Variants in GLI3 observed in about 807,000 individuals in gnomAD.
GLI3 encodes GLI family zinc finger 3.
A neutral mutation model predicts 100.8 loss-of-function variants in GLI3; 20 were observed. That is an observed-to-expected ratio of 0.20 (90% CI 0.14 to 0.29). The LOEUF is 0.29. Ranked by LOEUF, GLI3 falls within the 10% of genes least tolerant of loss-of-function variation. GLI3 has a pLI of 1.00. For synonymous variants in GLI3, 938 were observed against 860.5 expected, an observed-to-expected ratio of 1.09 and a Z score of -1.58; for missense variants, 2,040 against 2,128.5, an observed-to-expected ratio of 0.96 and a Z score of 0.82.
chr7:42,219,754 T>C (rs960813309), intron 2 of GLI3, among the ~76,000 whole-genome samples: 1 of 152,092 alleles, frequency 6.6e-6, no homozygotes, highest in African/African-American at 2.4e-5. Context: ...ACTCAGCCAG[T>C]AACAAAACTT....
chr7:42,222,228 T>C (rs906590067), intron 2 of GLI3, among the ~76,000 whole-genome samples: 4 of 152,170 alleles, frequency 2.6e-5, no homozygotes, highest in South Asian at 2.1e-4. Flanking sequence ...TCTTGGAATA[T>C]AGAAAATATA....
chr7:42,187,332 A>G lies in GLI3; in HGVS notation c.124+35798T>C, dbSNP rs536075277. On this transcript the variant is annotated intron_variant, in intron 2 of 14. Transcript: ENST00000395925. ...TTTGAAAATGTTACAGTGAAGTTTGATATCTAGGATATTATTGTTTAATAT... is the reference window on the plus strand; with the variant it reads ...TTTGAAAATGTTACAGTGAAGTTTGGTATCTAGGATATTATTGTTTAATAT... Among the ~76,000 whole-genome samples, 34 of 152,270 alleles carry G rather than the reference A, an allele frequency of 2.2e-4. 1 individual carries two copies. The South Asian group carries it at 7.1e-3, about 32-fold the overall frequency.
chr7:42,238,615 CAA>C (rs1482872180), upstream of GLI3, among the ~76,000 whole-genome samples: 1 of 152,204 alleles, frequency 6.6e-6, no homozygotes, highest in East Asian at 1.9e-4. Flanking sequence ...CCTTGAGCTA[CAA>C]AGTGTCTCTG....
At chr7:42,069,904 A>G (rs1784752684) in intron 4 of GLI3, among the ~76,000 whole-genome samples, 1 of 152,230 alleles carries the variant, frequency 6.6e-6, no homozygotes, top group Non-Finnish European at 1.5e-5. Flanking sequence ...TGTTTTAAGT[A>G]GTTGTTCACA....
At chr7:42,058,809 A>G (rs984297790) in intron 4 of GLI3, among the ~76,000 whole-genome samples, 1 of 152,250 alleles carries the variant, frequency 6.6e-6, no homozygotes, top group Non-Finnish European at 1.5e-5. Context: ...AATTGATTTC[A>G]TTCCTTCCAG....
chr7:42,232,439 G>A (rs1234254122), intron 1 of GLI3, among the ~76,000 whole-genome samples: 1 of 152,168 alleles, frequency 6.6e-6, no homozygotes, highest in Non-Finnish European at 1.5e-5. Context: ...AGAAGTGCTG[G>A]GCAGCATGGC....
At chr7:42,053,809 A>G (rs1784399160) in intron 4 of GLI3, among the ~76,000 whole-genome samples, 1 of 152,214 alleles carries the variant, frequency 6.6e-6, no homozygotes, top group Non-Finnish European at 1.5e-5. Flanking sequence ...CAGACATTCC[A>G]TGCTATTTAT....
chr7:42,260,373 C>A (rs973979878), intron 1 of GLI3, among the ~76,000 whole-genome samples: 1 of 152,130 alleles, frequency 6.6e-6, no homozygotes, highest in Non-Finnish European at 1.5e-5. Context: ...ACGCATTCAA[C>A]TGTCAAAATA....
chr7:42,198,390 G>A (rs1424212259), intron 2 of GLI3, among the ~76,000 whole-genome samples: 1 of 152,136 alleles, frequency 6.6e-6, no homozygotes, highest in Non-Finnish European at 1.5e-5. Flanking sequence ...AAGGATCCAG[G>A]AGCACAAGCG....
chr7:42,188,789 A>C (rs1787769336), intron 2 of GLI3, among the ~76,000 whole-genome samples: 1 of 152,248 alleles, frequency 6.6e-6, no homozygotes, highest in African/African-American at 2.4e-5. Flanking sequence ...TGGAAAACGC[A>C]AAACTGTGGA....
At chr7:42,091,667 C>T in intron 3 of GLI3, among the ~76,000 whole-genome samples, 1 of 152,256 alleles carries the variant, frequency 6.6e-6, no homozygotes, top group East Asian at 1.9e-4. Context: ...CCGCTCTCTT[C>T]TCCCCTCGTG....
chr7:42,181,943 T>A (rs1053809944), intron 2 of GLI3, among the ~76,000 whole-genome samples: 3 of 152,212 alleles, frequency 2.0e-5, no homozygotes, highest in African/African-American at 7.2e-5. Flanking sequence ...ATTACAGGAC[T>A]TCAGAGTGGT....
intron 4 of GLI3, among the ~76,000 whole-genome samples, chr7:42,061,278 A>G (rs1784563833): frequency 6.6e-6 from 1 of 152,196 alleles, no homozygotes; most frequent in African/African-American, 2.4e-5. Flanking sequence ...AAGAATCAGA[A>G]TGAATCTTTT....
chr7:42,235,305 C>A (rs1424221204), intron 1 of GLI3, among the ~76,000 whole-genome samples: 1 of 152,110 alleles, frequency 6.6e-6, no homozygotes, highest in Non-Finnish European at 1.5e-5. Flanking sequence ...TAGGTCAATT[C>A]TTGTAGATTT....
chr7:41,970,671 A>G (rs190892160), intron 13 of GLI3, among the ~76,000 whole-genome samples: 13 of 152,294 alleles, frequency 8.5e-5, no homozygotes, highest in Admixed American at 6.5e-4. Flanking sequence ...TTTTTAAACA[A>G]TGGGTGTTTG....
At chr7:42,039,774 G>A (rs922848789) in intron 7 of GLI3, among the ~76,000 whole-genome samples, 1 of 152,170 alleles carries the variant, frequency 6.6e-6, no homozygotes, top group Admixed American at 6.5e-5. Context: ...CTGTCTCTAC[G>A]AAGTGGATTT....
chr7:42,128,517 T>C (rs1215871707), intron 3 of GLI3, among the ~76,000 whole-genome samples: 1 of 152,242 alleles, frequency 6.6e-6, no homozygotes, highest in Non-Finnish European at 1.5e-5. Context: ...ATATGATACA[T>C]GCCTAGTTTT....
chr7:42,182,777 A>G (rs767581130), intron 2 of GLI3, among the ~76,000 whole-genome samples: 56 of 148,904 alleles, frequency 3.8e-4, no homozygotes, highest in Admixed American at 2.0e-3. Flanking sequence ...AAGAGTCCCA[A>G]ACAAATTGCT....
chr7:42,000,096 C>T (rs1385226190), intron 10 of GLI3, among the ~76,000 whole-genome samples: 2 of 152,092 alleles, frequency 1.3e-5, no homozygotes, highest in Non-Finnish European at 2.9e-5. Flanking sequence ...ATCTGTTGAC[C>T]GTATTACACA....
Sources: gnomAD v4.1 joint callset for allele counts (sites outside exome capture counted in the v4.1 genomes callset) on GRCh38, gnomAD v4.1.1 for gene constraint, MANE v1.5 for transcripts, NCBI Gene and HGNC (gene_info 2026-07-23, HGNC 2026-07-21) for gene names.